Variants in GRM8 observed in about 807,000 individuals in gnomAD.
GRM8 encodes the protein glutamate metabotropic receptor 8.
GRM8 carries 47 observed loss-of-function variants against 87.2 expected under a neutral mutation model. That is an observed-to-expected ratio of 0.54 (90% CI 0.43 to 0.69). The LOEUF (loss-of-function observed/expected upper bound fraction) is 0.69, where lower values mean the gene tolerates loss of function less well. Among genes scored for constraint, GRM8 ranks in the 30% least tolerant of loss-of-function variants. GRM8 has a pLI of 0.00. For synonymous variants in GRM8, 396 were observed against 404.5 expected, an observed-to-expected ratio of 0.98 and a Z score of 0.25; for missense variants, 1,019 against 1,139.2, an observed-to-expected ratio of 0.89 and a Z score of 1.52.
At chr7:126,549,491 G>A (rs1792334753) in intron 8 of GRM8, among the ~76,000 whole-genome samples, 1 of 151,998 alleles carries the variant, frequency 6.6e-6, no homozygotes, top group Admixed American at 6.6e-5. Flanking sequence ...CTTCTAAATG[G>A]TCCTGATTGC....
Position 126,503,159 on chromosome 7 carries a change from A to G in GRM8, c.2430+29793T>C, listed in dbSNP as rs370500815. On this transcript the variant is annotated intron_variant, in intron 9 of 10. Coordinates refer to ENST00000339582, the MANE Select transcript of GRM8 (RefSeq NM_000845.3). The stretch of plus-strand genomic sequence containing the variant: ...TTGCTAGCCTTCATCTTCTCCTGTC[A>G]TCAAGCAGCAGCATATCTGGATCTG... 1.1e-4 allele frequency among the ~76,000 whole-genome samples: 17 copies of G among 152,110 alleles called. 1 individual carries two copies. In the East Asian group the frequency reaches 2.1e-3, roughly 19 times the overall value.
At chr7:126,815,491 C>A (rs1290151584) in intron 6 of GRM8, among the ~76,000 whole-genome samples, 1 of 152,140 alleles carries the variant, frequency 6.6e-6, no homozygotes, top group Non-Finnish European at 1.5e-5. Flanking sequence ...TCAGTCTTAA[C>A]TCATCAGCAG....
intron 2 of GRM8, among the ~76,000 whole-genome samples, chr7:127,110,686 C>T (rs986565847): frequency 2.6e-5 from 4 of 152,048 alleles, no homozygotes; most frequent in Admixed American, 6.5e-5. Context: ...TTTTTCTTCT[C>T]TCACTATATT....
chr7:126,529,246 G>A (rs140140811), intron 9 of GRM8, among the ~76,000 whole-genome samples: 1 of 152,048 alleles, frequency 6.6e-6, no homozygotes, highest in East Asian at 1.9e-4. Flanking sequence ...TTCCCATTGT[G>A]CTATAGTCTA....
rs139374374 is a variant in GRM8 at position 126,847,961 on chromosome 7, G to A, written c.1156+54581C>T. On this transcript the variant is annotated intron_variant, in intron 6 of 10. Transcript: ENST00000339582. Reference sequence around the variant, plus strand: ...CCTGAGATCAAGAGGGATTTCTCCTGAAGCAAAGCATAAAATGGAGAGGAG... The same window carrying A: ...CCTGAGATCAAGAGGGATTTCTCCTAAAGCAAAGCATAAAATGGAGAGGAG... 7.9e-5 allele frequency among the ~76,000 whole-genome samples: 12 copies of A among 152,288 alleles called. No homozygotes were observed. In the East Asian group the frequency reaches 1.2e-3, roughly 15 times the overall value.
intron 8 of GRM8, among the ~76,000 whole-genome samples, chr7:126,554,966 G>A (rs1197313837): frequency 6.6e-6 from 1 of 152,112 alleles, no homozygotes; most frequent in Non-Finnish European, 1.5e-5. Flanking sequence ...CCAATTTGTG[G>A]CACAGAAATT....
intron 9 of GRM8, among the ~76,000 whole-genome samples, chr7:126,506,905 TA>T (rs1810563799): frequency 6.6e-6 from 1 of 152,078 alleles, no homozygotes; most frequent in Admixed American, 6.6e-5. Context: ...AATAACAATC[TA>T]GGGGTGAAGA....
At chr7:126,804,400 T>C (rs1792437395) in intron 6 of GRM8, among the ~76,000 whole-genome samples, 1 of 152,242 alleles carries the variant, frequency 6.6e-6, no homozygotes, top group Non-Finnish European at 1.5e-5. Flanking sequence ...CATTGTCTCA[T>C]TCCTTTGTTT....
chr7:126,823,718 G>A (rs1434879835), intron 6 of GRM8, among the ~76,000 whole-genome samples: 5 of 152,074 alleles, frequency 3.3e-5, no homozygotes. Flanking sequence ...CAATCAATGT[G>A]TATGTTAAAC....
intron 8 of GRM8, among the ~76,000 whole-genome samples, chr7:126,591,427 G>A (rs1426427851): frequency 6.6e-6 from 1 of 152,012 alleles, no homozygotes; most frequent in African/African-American, 2.4e-5. Flanking sequence ...CACATTAATA[G>A]TGGGGGACTT....
rs768628091 is a variant in GRM8 at position 126,823,111 on chromosome 7, AT to A, written c.1157-53047del. On this transcript the variant is annotated intron_variant, in intron 6 of 10. Coordinates refer to ENST00000339582, the MANE Select transcript of GRM8 (RefSeq NM_000845.3). ...GTAGACAGTAGGTAAAGAATGTCAT[AT>A]GGTCTTTGAAATAAGATTTTATTAA... is the stretch of plus-strand genomic sequence containing the variant. Among the ~76,000 whole-genome samples, 26 of 152,356 alleles carry A rather than the reference AT, an allele frequency of 1.7e-4. No homozygotes were observed. The East Asian group carries it at 4.6e-3, about 27-fold the overall frequency.
At chr7:126,668,064 G>A (rs1483156622) in intron 7 of GRM8, among the ~76,000 whole-genome samples, 1 of 152,168 alleles carries the variant, frequency 6.6e-6, no homozygotes, top group East Asian at 1.9e-4. Context: ...TGGAGCCACA[G>A]AAGTTCCAGC....
At chr7:126,750,426 T>A (rs1338525805) in intron 7 of GRM8, among the ~76,000 whole-genome samples, 2 of 152,046 alleles carry the variant, frequency 1.3e-5, no homozygotes, top group Non-Finnish European at 2.9e-5. Flanking sequence ...GTTAAAAAAA[T>A]GAAACCTCAA....
intron 3 of GRM8, among the ~76,000 whole-genome samples, chr7:126,990,151 C>T (rs1812508480): frequency 6.6e-6 from 1 of 152,132 alleles, no homozygotes; most frequent in Non-Finnish European, 1.5e-5. Context: ...GCCTCAGACA[C>T]TGTTGTTTGG....
intron 9 of GRM8, among the ~76,000 whole-genome samples, chr7:126,481,996 G>T (rs570977588): frequency 2.6e-5 from 4 of 151,970 alleles, no homozygotes; most frequent in Admixed American, 6.6e-5. Context: ...AATGGGCAAA[G>T]GACTTGAATA....
intron 3 of GRM8, among the ~76,000 whole-genome samples, chr7:126,945,917 G>C (rs1807485162): frequency 6.6e-6 from 1 of 152,150 alleles, no homozygotes; most frequent in Non-Finnish European, 1.5e-5. Flanking sequence ...GACCAAAGAG[G>C]AAATTTTCCC....
chr7:127,054,524 T>A (rs1819798285), intron 3 of GRM8, among the ~76,000 whole-genome samples: 1 of 152,098 alleles, frequency 6.6e-6, no homozygotes, highest in South Asian at 2.1e-4. Flanking sequence ...CAGCAAAACA[T>A]CTGACAGAAA....
chr7:126,927,601 C>A (rs1319084949), intron 3 of GRM8, among the ~76,000 whole-genome samples: 3 of 152,050 alleles, frequency 2.0e-5, no homozygotes, highest in African/African-American at 7.2e-5. Context: ...ATGCAGCCAA[C>A]AAGCATATGA....
At chr7:126,527,082 G>A (rs1368496257) in intron 9 of GRM8, among the ~76,000 whole-genome samples, 1 of 152,200 alleles carries the variant, frequency 6.6e-6, no homozygotes, top group Admixed American at 6.5e-5. Context: ...TAGTTGGCTG[G>A]GCGCGGTGGC....
Sources: allele counts gnomAD v4.1 joint callset (sites outside exome capture counted in the v4.1 genomes callset), GRCh38; gene constraint gnomAD v4.1.1; transcripts MANE v1.5; gene names NCBI Gene and HGNC (gene_info 2026-07-23, HGNC 2026-07-21).